The following HTR2C variants were observed in gnomAD, a reference collection of about 807,000 sequenced individuals.
HTR2C encodes 5-hydroxytryptamine (serotonin) receptor 2C, G protein-coupled.
HTR2C carries 5 observed loss-of-function variants against 21.0 expected under a neutral mutation model. The observed-to-expected ratio is 0.24, with a 90% CI of 0.12 to 0.50. The LOEUF (loss-of-function observed/expected upper bound fraction) is 0.50, where lower values mean the gene tolerates loss of function less well. HTR2C is among the 20% of genes least tolerant of loss of function. HTR2C has a pLI of 0.98. For synonymous variants in HTR2C, 150 were observed against 145.3 expected (o/e 1.03, Z -0.23); for missense variants, 271 against 371.2 (o/e 0.73, Z 2.22).
intron 4 of HTR2C, among the ~76,000 whole-genome samples, chrX:114,742,715 T>G (rs1249759279): frequency 3.0e-5 from 2 of 65,874 alleles, no homozygotes; most frequent in Middle Eastern, 7.5e-3. Flanking sequence ...GCTACTGTTT[T>G]TTTTTTTTTT....
intron 4 of HTR2C, chrX:114,776,569 A>T: frequency 1.9e-6 from 1 of 527,768 alleles, no homozygotes; most frequent in South Asian, 2.6e-5. Flanking sequence ...GATGTTTGGC[A>T]TCAAAAACCG....
At chrX:114,821,295 CTT>C (rs2070630810) in intron 4 of HTR2C, among the ~76,000 whole-genome samples, 1 of 111,285 alleles carries the variant, frequency 9.0e-6, no homozygotes, top group Non-Finnish European at 1.9e-5. Context: ...GATGGTGTCT[CTT>C]TGAACTAATG....
At chrX:114,795,004 G>C (rs1161733234) in intron 4 of HTR2C, among the ~76,000 whole-genome samples, 9 of 108,555 alleles carry the variant, frequency 8.3e-5, no homozygotes, top group African/African-American at 2.3e-4. Context: ...CAGTGTAAAA[G>C]TGTTCCTATT....
At chrX:114,698,058 G>A (rs1336914877) in intron 2 of HTR2C, among the ~76,000 whole-genome samples, 1 of 112,115 alleles carries the variant, frequency 8.9e-6, no homozygotes, top group East Asian at 2.8e-4. Context: ...CTGGCTATCA[G>A]CCAGGGGCCA....
At chrX:114,758,896 C>T (rs1325088637) in intron 4 of HTR2C, among the ~76,000 whole-genome samples, 3 of 111,525 alleles carry the variant, frequency 2.7e-5, no homozygotes, top group African/African-American at 9.8e-5. Context: ...TTTTGTTTTG[C>T]CTGATACAGA....
At chrX:114,755,744 T>C (rs1556429953) in intron 4 of HTR2C, among the ~76,000 whole-genome samples, 1 of 93,575 alleles carries the variant, frequency 1.1e-5, no homozygotes. Context: ...AAAAACTAAA[T>C]TTTATTTAGA....
At chrX:114,806,316 CATATATACACCAT>C (rs1208776091) in intron 4 of HTR2C, among the ~76,000 whole-genome samples, 22 of 93,398 alleles carry the variant, frequency 2.4e-4, no homozygotes, top group South Asian at 4.8e-4. Context: ...ATATACACTA[CATATATACACCAT>C]ATATATACAC....
intron 3 of HTR2C, among the ~76,000 whole-genome samples, chrX:114,730,705 T>C (rs2147345477): frequency 8.9e-6 from 1 of 112,075 alleles, no homozygotes; most frequent in African/African-American, 3.2e-5. Context: ...CAACTTCCAG[T>C]TTCCTTGTTA....
chrX:114,606,170 G>C (rs782145237), intron 1 of HTR2C, among the ~76,000 whole-genome samples: 17 of 110,860 alleles, frequency 1.5e-4, no homozygotes, highest in Admixed American at 2.9e-4. Flanking sequence ...TTGCCACTAA[G>C]GGTGAAGGAG....
chrX:114,808,448 G>C (rs12558620), intron 4 of HTR2C, among the ~76,000 whole-genome samples: 1,306 of 111,556 alleles, frequency 0.012, 20 homozygotes, highest in Admixed American at 0.074. Flanking sequence ...ATATCTCTTC[G>C]ATATACTGAT....
At chrX:114,623,379 C>A (rs1462665437) in intron 2 of HTR2C, among the ~76,000 whole-genome samples, 2 of 112,126 alleles carry the variant, frequency 1.8e-5, no homozygotes, top group Non-Finnish European at 3.8e-5. Flanking sequence ...CTCCTCCAAG[C>A]CTTACTTACC....
chrX:114,731,253 A>G (rs2069532467), intron 3 of HTR2C, 41 bp from the exon 4 acceptor site: 1 of 996,361 alleles, frequency 1.0e-6, no homozygotes, highest in Non-Finnish European at 1.4e-6. Context: ...TATAAGTAAT[A>G]TAATATGTAC....
Position 114,726,864 on chromosome X carries a change from T to A in HTR2C, c.-73T>A, listed in dbSNP as rs1933513082. The A allele has an allele frequency of 1.6e-6, 1 of 619,058 alleles. No homozygotes were observed. Among genetic ancestry groups the A allele is most frequent in the Non-Finnish European group, 2.5e-6 (1 of 397,131 alleles). The allele number at this position is 619,058 out of a possible 1,213,427, so 51.0% of individuals were successfully genotyped here. The stretch of plus-strand genomic sequence containing the variant: ...CTTCTTTTTCTCTCCCCAGAAAGGA[T>A]GATATGATGAACCTAGCCTGTTAAT... On this transcript the variant is annotated 5_prime_UTR_variant, in exon 3 of 6. An upstream start codon of the reference 5' UTR is lost. Transcript: ENST00000276198.
intron 4 of HTR2C, among the ~76,000 whole-genome samples, chrX:114,836,565 C>G (rs958152296): frequency 8.9e-6 from 1 of 112,111 alleles, no homozygotes; most frequent in Non-Finnish European, 1.9e-5. Context: ...TGCTTCGGCT[C>G]GTGCACGGTG....
At chrX:114,604,778 G>A (rs1358000528) in intron 1 of HTR2C, among the ~76,000 whole-genome samples, 5 of 111,412 alleles carry the variant, frequency 4.5e-5, no homozygotes, top group African/African-American at 1.3e-4. Flanking sequence ...GCTCCTGTGG[G>A]AGGAGGTTCT....
chrX:114,698,147 GC>G (rs1932335698), intron 2 of HTR2C, among the ~76,000 whole-genome samples: 1 of 112,074 alleles, frequency 8.9e-6, no homozygotes, highest in Non-Finnish European at 1.9e-5. Flanking sequence ...GCATGTAGAA[GC>G]TTTTTCATGC....
At chrX:114,801,528 T>C (rs781787862) in intron 4 of HTR2C, among the ~76,000 whole-genome samples, 7 of 111,560 alleles carry the variant, frequency 6.3e-5, no homozygotes, top group Admixed American at 9.6e-5. Context: ...GGCTCCTTAA[T>C]AGAATTTGAG....
At chrX:114,720,469 C>T (rs1933151030) in intron 2 of HTR2C, among the ~76,000 whole-genome samples, 1 of 108,274 alleles carries the variant, frequency 9.2e-6, no homozygotes, top group South Asian at 4.0e-4. Flanking sequence ...TAGAAGCACA[C>T]TAAAGAAAGC....
At chrX:114,623,906 G>GTTTTTTTTTTT (rs35930521) in intron 2 of HTR2C, among the ~76,000 whole-genome samples, 2 of 69,400 alleles carry the variant, frequency 2.9e-5, no homozygotes, top group Non-Finnish European at 5.0e-5. Flanking sequence ...TTTTGTTGTT[G>GTTTTTTTTTTT]TTTTTTTTTT....
Sources: allele counts gnomAD v4.1 joint callset (sites outside exome capture counted in the v4.1 genomes callset), GRCh38; gene constraint gnomAD v4.1.1; transcripts MANE v1.5; gene names NCBI Gene and HGNC (gene_info 2026-07-23, HGNC 2026-07-21).